GDAP2: variants seen among roughly 807,000 people sequenced by gnomAD.
The protein encoded by GDAP2 is ganglioside induced differentiation associated protein 2.
A neutral mutation model predicts 67.0 loss-of-function variants in GDAP2; 51 were observed. That is an observed-to-expected ratio of 0.76 (90% CI 0.61 to 0.96). GDAP2 has a LOEUF of 0.96. Among genes scored for constraint, GDAP2 ranks in the 40% least tolerant of loss-of-function variants. The pLI, the probability that GDAP2 is intolerant of heterozygous loss-of-function variation, is 0.00. For missense variants in GDAP2, 547 were observed against 588.3 expected, an observed-to-expected ratio of 0.93 and a Z score of 0.73; for synonymous variants, 203 against 207.3, an observed-to-expected ratio of 0.98 and a Z score of 0.18.
At chr1:117,893,136 A>G (rs1258790621) in intron 8 of GDAP2, among the ~76,000 whole-genome samples, 1 of 152,204 alleles carries the variant, frequency 6.6e-6, no homozygotes, top group Admixed American at 6.5e-5. Context: ...GAAAAAGATA[A>G]TGATTTTGTT....
At chr1:117,904,151 T>C (rs1358193445) in intron 6 of GDAP2, among the ~76,000 whole-genome samples, 1 of 151,854 alleles carries the variant, frequency 6.6e-6, no homozygotes, top group Non-Finnish European at 1.5e-5. Flanking sequence ...CACATTCAGC[T>C]AATTTTTTTT....
In GDAP2 at chr1:117,869,494, C is replaced by G. The variant is rs1023862046; in HGVS notation, c.*1075G>C. ...CATTTAAAAACTAACTGAAGATACCCCACCACAACAAAGCCCTTTCTAAAT... is the reference window on the plus strand; with the variant it reads ...CATTTAAAAACTAACTGAAGATACCGCACCACAACAAAGCCCTTTCTAAAT... On this transcript the variant is annotated 3_prime_UTR_variant, in exon 14 of 14. Coordinates refer to ENST00000369443, the MANE Select transcript of GDAP2 (RefSeq NM_017686.4). The G allele has an allele frequency of 6.6e-6, 1 of 152,584 alleles. No homozygotes were observed. Among genetic ancestry groups the G allele is most frequent in the Admixed American group, 6.5e-5 (1 of 15,270 alleles). The allele number at this position is 152,584 out of a possible 1,614,324, so 9.5% of individuals were successfully genotyped here.
intron 8 of GDAP2, among the ~76,000 whole-genome samples, chr1:117,896,406 G>A (rs1475932044): frequency 6.6e-6 from 1 of 152,164 alleles, no homozygotes; most frequent in Non-Finnish European, 1.5e-5. Flanking sequence ...TGTCTTGTAA[G>A]GTCCTTCGGA....
intron 1 of GDAP2, among the ~76,000 whole-genome samples, chr1:117,927,175 A>T (rs1429495319): frequency 6.6e-6 from 1 of 152,156 alleles, no homozygotes; most frequent in African/African-American, 2.4e-5. Context: ...ATCTTTTATA[A>T]TTCAAATGGT....
At chr1:117,872,684 T>C (rs1236022614) in intron 13 of GDAP2, among the ~76,000 whole-genome samples, 1 of 147,416 alleles carries the variant, frequency 6.8e-6, no homozygotes, top group Non-Finnish European at 1.5e-5. Flanking sequence ...CTGGGGCCTG[T>C]TGGGGGAGGG....
At chr1:117,872,051 A>T (rs1648308456) in intron 13 of GDAP2, among the ~76,000 whole-genome samples, 1 of 152,212 alleles carries the variant, frequency 6.6e-6, no homozygotes, top group East Asian at 1.9e-4. Context: ...ACTTCTCAAA[A>T]AAAGACATAT....
In GDAP2 at chr1:117,868,992, G is replaced by A. The variant is rs935409614; in HGVS notation, c.*1577C>T. The A allele has an allele frequency of 6.6e-6, 1 of 152,136 alleles. No homozygotes were observed. The highest frequency in any genetic ancestry group is 1.5e-5 in the Non-Finnish European group (1 of 68,028). 9.4% of individuals were successfully genotyped at this position (152,136 alleles called of 1,614,324 possible). A position where few individuals can be genotyped will look rare whatever the true frequency, so the allele number is the denominator to read the frequency against. On this transcript the variant is annotated 3_prime_UTR_variant, in exon 14 of 14. Transcript: ENST00000369443. ...TACAGGATGAATTTAATGCACTATA[G>A]GGGCATTTCCCTATCATAAATGAAG...
At chr1:117,882,293 T>C (rs779128273) in intron 11 of GDAP2, among the ~76,000 whole-genome samples, 2 of 152,142 alleles carry the variant, frequency 1.3e-5, no homozygotes, top group Non-Finnish European at 2.9e-5. Context: ...GTTGTAACAA[T>C]CTGTTATAAT....
In GDAP2 at chr1:117,869,024, T is replaced by C. The variant is rs1052900447; in HGVS notation, c.*1545A>G. On this transcript the variant is annotated 3_prime_UTR_variant, in exon 14 of 14. Coordinates refer to ENST00000369443, the MANE Select transcript of GDAP2 (RefSeq NM_017686.4). ...TTCCCTATCATAAATGAAGAGAATA[T>C]GTTTCTTTGATCTCCAATGAAGAAT... 6.6e-6 allele frequency: 1 copy of C among 152,182 alleles called. No individual in the cohort carries two copies. Among genetic ancestry groups the C allele is most frequent in the Non-Finnish European group, 1.5e-5 (1 of 68,026 alleles). 9.4% of individuals were successfully genotyped at this position (152,182 alleles called of 1,614,324 possible).
intron 6 of GDAP2, among the ~76,000 whole-genome samples, chr1:117,903,801 G>T (rs1340049024): frequency 1.3e-5 from 2 of 152,116 alleles, no homozygotes; most frequent in Non-Finnish European, 2.9e-5. Context: ...ATAGTAAAGA[G>T]AAGACAAATG....
At position 117,912,611 on chromosome 1, in the gene GDAP2, C is replaced by A. The variant is rs1266230756; in HGVS notation, c.389G>T (p.Gly130Val). Residue 130 changes from glycine (G) to valine (V), a missense_variant, in exon 4 of 14, where the codon GGA becomes GTA. By Grantham distance (109) the Gly-to-Val change is moderately radical. Transcript: ENST00000369443. ...LAARFIIHTV[G>V]PKYKSRYRTA... Reference sequence around the variant, plus strand: ...GCGATAGCGGCTTTTATATTTAGGTCCCACTGTGTGAATGATGAACCGGGC... The same window carrying A: ...GCGATAGCGGCTTTTATATTTAGGTACCACTGTGTGAATGATGAACCGGGC... The A allele has an allele frequency of 6.2e-7, 1 of 1,613,384 alleles. No homozygotes were observed. Among genetic ancestry groups the A allele is most frequent in the Admixed American group, 1.7e-5 (1 of 59,980 alleles).
intron 3 of GDAP2, among the ~76,000 whole-genome samples, chr1:117,914,607 C>T (rs1649981757): frequency 6.6e-6 from 1 of 152,014 alleles, no homozygotes; most frequent in Non-Finnish European, 1.5e-5. Context: ...AACACCCAAA[C>T]CATATGAAGG....
chr1:117,911,010 C>A (rs748702240), intron 5 of GDAP2, among the ~76,000 whole-genome samples: 10 of 152,170 alleles, frequency 6.6e-5, no homozygotes, highest in Non-Finnish European at 1.2e-4. Context: ...CAAAGAACTG[C>A]TGCTTGAAAA....
At chr1:117,902,580 G>T (rs1649517931) in intron 6 of GDAP2, among the ~76,000 whole-genome samples, 1 of 152,150 alleles carries the variant, frequency 6.6e-6, no homozygotes. Flanking sequence ...TCATTAAATT[G>T]TCTTGAAACC....
rs928650057 is a variant in GDAP2, at chr1:117,869,633, A to G, written c.*936T>C. The G allele has an allele frequency of 1.9e-4, 29 of 152,644 alleles. No individual in the cohort carries two copies. The highest frequency in any genetic ancestry group is 6.3e-4 in the African/African-American group (26 of 41,454). 9.5% of individuals were successfully genotyped at this position (152,644 alleles called of 1,614,324 possible). On this transcript the variant is annotated 3_prime_UTR_variant, in exon 14 of 14. Coordinates refer to ENST00000369443, the MANE Select transcript of GDAP2 (RefSeq NM_017686.4). ...TAAAAGTGGTCTTTTGCCAATTATC[A>G]GCTCCCTGGATTTGTTCACTGTGAC...
At chr1:117,899,584 G>A (rs1195353682) in intron 6 of GDAP2, among the ~76,000 whole-genome samples, 7 of 151,918 alleles carry the variant, frequency 4.6e-5, no homozygotes, top group East Asian at 1.9e-4. Context: ...ATCAGGGTCC[G>A]TTCAACCATG....
chr1:117,876,770 T>C (rs764366183), intron 13 of GDAP2, among the ~76,000 whole-genome samples: 4 of 152,214 alleles, frequency 2.6e-5, no homozygotes, highest in African/African-American at 9.6e-5. Flanking sequence ...CTTAAGTATA[T>C]AGAAAATGCT....
At chr1:117,918,968 T>C (rs370701433) in intron 2 of GDAP2, among the ~76,000 whole-genome samples, 5 of 152,194 alleles carry the variant, frequency 3.3e-5, no homozygotes, top group South Asian at 2.1e-4. Flanking sequence ...TGTTTAGAAA[T>C]AGCAGCATTA....
intron 3 of GDAP2, among the ~76,000 whole-genome samples, chr1:117,914,931 C>A (rs1310655290): frequency 6.6e-6 from 1 of 151,770 alleles, no homozygotes; most frequent in Non-Finnish European, 1.5e-5. Context: ...ATCCAATCCA[C>A]CAAACAGAAA....
Sources: gnomAD v4.1 joint callset for allele counts (sites outside exome capture counted in the v4.1 genomes callset) on GRCh38, gnomAD v4.1.1 for gene constraint, MANE v1.5 for transcripts, NCBI Gene and HGNC (gene_info 2026-07-23, HGNC 2026-07-21) for gene names.